The following THEMIS variants were observed in gnomAD, a reference collection of about 807,000 sequenced individuals.
THEMIS encodes protein THEMIS.
THEMIS carries 37 observed loss-of-function variants against 52.6 expected under a neutral mutation model. That is an observed-to-expected ratio of 0.70 (90% CI 0.54 to 0.93). The LOEUF (loss-of-function observed/expected upper bound fraction) is 0.93. Among genes scored for constraint, THEMIS ranks in the 40% least tolerant of loss-of-function variants. The probability of loss-of-function intolerance (pLI) is 0.00; values close to 1 mark genes in which losing one functional copy is unlikely to be tolerated. For synonymous variants in THEMIS, 292 were observed against 272.7 expected (o/e 1.07, Z -0.70); for missense variants, 808 against 763.1 (o/e 1.06, Z -0.69).
At chr6:127,742,313 T>TAAAAAAAAAAAAAAAAAAAA (rs778252716) in intron 4 of THEMIS, among the ~76,000 whole-genome samples, 1 of 121,236 alleles carries the variant, frequency 8.2e-6, no homozygotes, top group African/African-American at 3.1e-5. Context: ...AGACTCTGCT[T>TAAAAAAAAAAAAAAAAAAAA]AAAAAAAAAA....
At chr6:127,725,131 A>G (rs1022545151) in intron 4 of THEMIS, among the ~76,000 whole-genome samples, 8 of 151,964 alleles carry the variant, frequency 5.3e-5, no homozygotes, top group Admixed American at 6.6e-5. Context: ...TCTCCTGACT[A>G]AAAAAAGCAA....
At chr6:127,871,209 C>G (rs1304861869) in intron 1 of THEMIS, among the ~76,000 whole-genome samples, 4 of 151,876 alleles carry the variant, frequency 2.6e-5, no homozygotes, top group Non-Finnish European at 5.9e-5. Flanking sequence ...GAAAATGAAA[C>G]ACAACACCTC....
At chr6:127,850,725 G>A (rs2114271748) in intron 2 of THEMIS, among the ~76,000 whole-genome samples, 1 of 151,814 alleles carries the variant, frequency 6.6e-6, no homozygotes, top group Admixed American at 6.6e-5. Context: ...GGAATTTGGG[G>A]ACTTAGCGGG....
chr6:127,908,543 C>T (rs912706617), intron 1 of THEMIS, among the ~76,000 whole-genome samples: 3 of 152,098 alleles, frequency 2.0e-5, no homozygotes, highest in Admixed American at 6.6e-5. Flanking sequence ...TTGCAAAGTG[C>T]AATGTGAATG....
At chr6:127,729,457 T>G (rs1402303094) in intron 4 of THEMIS, among the ~76,000 whole-genome samples, 1 of 152,158 alleles carries the variant, frequency 6.6e-6, no homozygotes, top group African/African-American at 2.4e-5. Context: ...ACTCAACCAC[T>G]TAATTCATTG....
chr6:127,717,731 G>A (rs1039445560), intron 5 of THEMIS, among the ~76,000 whole-genome samples: 1 of 151,660 alleles, frequency 6.6e-6, no homozygotes, highest in Non-Finnish European at 1.5e-5. Flanking sequence ...TATTTGAAAA[G>A]GTTCCACCCC....
chr6:127,713,078 G>A (rs549789289), intron 5 of THEMIS, among the ~76,000 whole-genome samples: 114 of 151,930 alleles, frequency 7.5e-4, no homozygotes, highest in African/African-American at 2.7e-3. Flanking sequence ...CCTCTTTTAG[G>A]ATGCAACTTG....
intron 4 of THEMIS, among the ~76,000 whole-genome samples, chr6:127,747,388 T>C (rs1775485914): frequency 6.8e-6 from 1 of 145,998 alleles, no homozygotes. Context: ...ATATTATAGA[T>C]ATAGATTTAT....
intron 4 of THEMIS, among the ~76,000 whole-genome samples, chr6:127,771,236 A>G (rs1333484554): frequency 1.3e-5 from 2 of 152,208 alleles, no homozygotes; most frequent in Non-Finnish European, 2.9e-5. Flanking sequence ...TTCAAGAACT[A>G]CAAACCACTG....
At chr6:127,841,205 G>A (rs1779037454) in intron 2 of THEMIS, among the ~76,000 whole-genome samples, 1 of 151,844 alleles carries the variant, frequency 6.6e-6, no homozygotes, top group African/African-American at 2.4e-5. Context: ...GCATGTTGGG[G>A]GTCAGGAAGT....
intron 4 of THEMIS, among the ~76,000 whole-genome samples, chr6:127,800,552 A>G (rs1777497753): frequency 6.6e-6 from 1 of 152,208 alleles, no homozygotes; most frequent in African/African-American, 2.4e-5. Flanking sequence ...CTGAGTGTTA[A>G]CTTGATTGGA....
chr6:127,751,526 G>A (rs1252056117), intron 4 of THEMIS, among the ~76,000 whole-genome samples: 4 of 151,558 alleles, frequency 2.6e-5, no homozygotes, highest in East Asian at 1.9e-4. Context: ...TGTAGAAGTG[G>A]TGGCAATACT....
intron 2 of THEMIS, among the ~76,000 whole-genome samples, chr6:127,845,834 A>G (rs181541521): frequency 2.6e-5 from 4 of 152,086 alleles, no homozygotes; most frequent in African/African-American, 9.6e-5. Flanking sequence ...CATAAAAAAA[A>G]TTGAAAAGTT....
At chr6:127,703,635 G>T (rs1295963327), downstream of THEMIS, among the ~76,000 whole-genome samples, 7 of 152,118 alleles carry the variant, frequency 4.6e-5, no homozygotes, top group Non-Finnish European at 4.4e-5. Flanking sequence ...ACCTAAAAGG[G>T]TATGTATCTA....
chr6:127,839,830 T>C (rs1562292036), intron 2 of THEMIS, among the ~76,000 whole-genome samples: 1 of 152,128 alleles, frequency 6.6e-6, no homozygotes. Flanking sequence ...TTGGTTCCCC[T>C]ACCTGACTAC....
chr6:127,784,321 A>C (rs1776848893), intron 4 of THEMIS, among the ~76,000 whole-genome samples: 1 of 152,124 alleles, frequency 6.6e-6, no homozygotes, highest in South Asian at 2.1e-4. Flanking sequence ...TCACTATGAC[A>C]CATGTATACC....
intron 5 of THEMIS, among the ~76,000 whole-genome samples, chr6:127,718,694 C>T (rs1291045747): frequency 1.3e-5 from 2 of 151,880 alleles, no homozygotes; most frequent in African/African-American, 4.8e-5. Context: ...TATAGTCATA[C>T]TTGATTAGTA....
chr6:127,734,532 C>A (rs1774919236), intron 4 of THEMIS, among the ~76,000 whole-genome samples: 1 of 151,954 alleles, frequency 6.6e-6, no homozygotes, highest in East Asian at 1.9e-4. Context: ...TGGTCTAAGT[C>A]TTGAAATCAA....
intron 4 of THEMIS, among the ~76,000 whole-genome samples, chr6:127,794,961 T>C (rs1489863175): frequency 6.6e-6 from 1 of 152,204 alleles, no homozygotes; most frequent in Non-Finnish European, 1.5e-5. Context: ...ATGTAAAATA[T>C]AATAACCAAC....
Sources: allele counts gnomAD v4.1 joint callset (sites outside exome capture counted in the v4.1 genomes callset), GRCh38; gene constraint gnomAD v4.1.1; transcripts MANE v1.5; gene names NCBI Gene and HGNC (gene_info 2026-07-23, HGNC 2026-07-21).